The following GTF2IRD2 variants were observed in gnomAD, a reference collection of about 807,000 sequenced individuals.
GTF2IRD2 encodes general transcription factor II-I repeat domain-containing protein 2A.
In GTF2IRD2, 8 loss-of-function variants were observed where a neutral mutation model predicts 49.2. The ratio of observed to expected loss-of-function variants is 0.16; its 90% CI spans 0.10 to 0.29. GTF2IRD2 has a LOEUF of 0.29. Ranked by LOEUF, GTF2IRD2 falls within the 10% of genes least tolerant of loss-of-function variation. The pLI is 1.00. For synonymous variants in GTF2IRD2, 47 were observed against 289.7 expected (o/e 0.16, Z 8.51); for missense variants, 130 against 725.7 (o/e 0.18, Z 9.43).
At chr7:74,841,174 G>C (rs1379723851) in intron 1 of GTF2IRD2, among the ~76,000 whole-genome samples, 1 of 135,166 alleles carries the variant, frequency 7.4e-6, no homozygotes, top group Non-Finnish European at 1.6e-5. Flanking sequence ...ATATGTATTG[G>C]TTTTTTTTTT....
chr7:74,816,297 G>GATTC (rs1798526636), intron 8 of GTF2IRD2, among the ~76,000 whole-genome samples: 1 of 36,420 alleles, frequency 2.7e-5, no homozygotes, highest in Admixed American at 3.3e-4. Flanking sequence ...TCAAGCAACT[G>GATTC]TCCTGCCTCA....
chr7:74,831,429 A>G (rs1472416156), intron 3 of GTF2IRD2, among the ~76,000 whole-genome samples: 5 of 150,468 alleles, frequency 3.3e-5, no homozygotes, highest in Non-Finnish European at 5.9e-5. Flanking sequence ...ATCTACTTAT[A>G]CACACACAGA....
chr7:74,821,873 C>T (rs1324339572), intron 6 of GTF2IRD2: 1 of 77,896 alleles, frequency 1.3e-5, no homozygotes. Context: ...TTTTTAATAG[C>T]TACAAATGTA....
chr7:74,839,951 G>C (rs1191267151), intron 1 of GTF2IRD2, among the ~76,000 whole-genome samples: 1 of 146,688 alleles, frequency 6.8e-6, no homozygotes, highest in Non-Finnish European at 1.5e-5. Context: ...AGTGAGCCAA[G>C]ATTGTGCCAC....
chr7:74,830,178 G>GT (rs1404393449), intron 3 of GTF2IRD2, among the ~76,000 whole-genome samples: 1 of 94,108 alleles, frequency 1.1e-5, no homozygotes, highest in Non-Finnish European at 2.2e-5. Flanking sequence ...ACCAGACTGG[G>GT]TAATATAGCA....
chr7:74,843,095 T>C (rs1480712829), intron 1 of GTF2IRD2, among the ~76,000 whole-genome samples: 1 of 30,914 alleles, frequency 3.2e-5, no homozygotes, highest in Non-Finnish European at 6.0e-5. Context: ...CTGGCTAATT[T>C]TTGTATTTTT....
At chr7:74,845,315 G>A (rs1584409173) in intron 1 of GTF2IRD2, among the ~76,000 whole-genome samples, 1 of 152,360 alleles carries the variant, frequency 6.6e-6, no homozygotes, top group East Asian at 1.9e-4. Context: ...TTTGAGGCAG[G>A]GTCTCACTCC....
rs1407698364 is a variant in GTF2IRD2 at position 74,851,379 on chromosome 7, G to GGCCGC, written c.-23_-19dup. The GGCCGC allele has an allele frequency of 4.2e-5, 2 of 47,356 alleles. No homozygotes were observed. Among genetic ancestry groups the GGCCGC allele is most frequent in the Non-Finnish European group, 7.3e-5 (2 of 27,324 alleles). 2.9% of individuals were successfully genotyped at this position (47,356 alleles called of 1,614,324 possible). On this transcript the variant is annotated 5_prime_UTR_variant, in exon 1 of 16. Transcript: ENST00000451013. ...GCGGGGTACGCACCTGAGGGCGCTG[G>GGCCGC]GCCGCGCCGGGCCGGCCGCGGAGTC... is the stretch of plus-strand genomic sequence containing the variant.
chr7:74,827,094 TA>T (rs1554419814), intron 3 of GTF2IRD2, among the ~76,000 whole-genome samples: 1 of 150,164 alleles, frequency 6.7e-6, no homozygotes, highest in Non-Finnish European at 1.5e-5. Flanking sequence ...GATGGATGCT[TA>T]GCTTGATTTG....
chr7:74,819,076 G>A (rs1299202925), intron 8 of GTF2IRD2: 1 of 187,892 alleles, frequency 5.3e-6, no homozygotes, highest in Non-Finnish European at 1.1e-5. Flanking sequence ...AGGCGCACAC[G>A]AACATGCCCA....
At chr7:74,807,374 T>C (rs1797861746) in intron 11 of GTF2IRD2, among the ~76,000 whole-genome samples, 1 of 78,976 alleles carries the variant, frequency 1.3e-5, no homozygotes, top group Non-Finnish European at 2.6e-5. Context: ...GCCTCCCAGG[T>C]TCAAGTGATT....
At chr7:74,798,998 TTTTTTTCTTTTTC>T (rs1797266650) in intron 15 of GTF2IRD2, 3 of 150,346 alleles carry the variant, frequency 2.0e-5, no homozygotes, top group Non-Finnish European at 4.4e-5. Context: ...CTTTCTTTTC[TTTTTTTCTTTTTC>T]TTTTTTTTTT....
rs1797931550 is a variant in GTF2IRD2, at chr7:74,808,675, T to C, written c.871+433A>G. ...AACACCTCAAAGCATTGGGCCCTAA[T>C]GGGAATGGCTGCTCTATTATATATA... On this transcript the variant is annotated intron_variant, in intron 11 of 15. Coordinates refer to ENST00000451013, the MANE Select transcript of GTF2IRD2 (RefSeq NM_173537.5). Among the ~76,000 whole-genome samples the C allele has an allele frequency of 7.2e-5, 6 of 82,840 alleles. 2 individuals are homozygous for C. Among genetic ancestry groups the C allele is most frequent in the Middle Eastern group, 5.6e-3 (1 of 178 alleles). 54.3% of individuals were successfully genotyped at this position (82,840 alleles called of 152,430 possible). A position where few individuals can be genotyped will look rare whatever the true frequency, so the allele number is the denominator to read the frequency against.
chr7:74,798,993 T>C (rs1364279927), intron 15 of GTF2IRD2: 2 of 151,146 alleles, frequency 1.3e-5, no homozygotes, highest in African/African-American at 4.9e-5. Flanking sequence ...TCTTTCTTTC[T>C]TTTCTTTTTT....
chr7:74,810,725 C>T, intron 10 of GTF2IRD2, among the ~76,000 whole-genome samples, 171 bp downstream of exon 10: 1 of 64,748 alleles, frequency 1.5e-5, no homozygotes, highest in East Asian at 1.9e-3. Flanking sequence ...CGCTTGAACC[C>T]AGGAGGCAGA....
At chr7:74,836,188 A>G in intron 2 of GTF2IRD2, 92 bp downstream of exon 2, 5 of 1,515,522 alleles carry the variant, frequency 3.3e-6, no homozygotes, top group South Asian at 1.1e-5. Flanking sequence ...AGAAAAGAAA[A>G]AAAACAAAAG....
chr7:74,826,089 A>G (rs1395258132), intron 3 of GTF2IRD2, among the ~76,000 whole-genome samples: 8 of 151,394 alleles, frequency 5.3e-5, no homozygotes, highest in African/African-American at 1.7e-4. Context: ...CCCGCCAAGT[A>G]TAGTTTTCTT....
rs1800841901 is a variant in GTF2IRD2 at position 74,841,661 on chromosome 7, C to T, written c.-5-5278G>A. On this transcript the variant is annotated intron_variant, in intron 1 of 15. Coordinates refer to ENST00000451013, the MANE Select transcript of GTF2IRD2 (RefSeq NM_173537.5). The stretch of plus-strand genomic sequence containing the variant: ...CTTCCTATGAATGTTTCACTTCTGA[C>T]CTTTTATGAATCCCCTCAACTTAAA... 2.1e-5 allele frequency among the ~76,000 whole-genome samples: 3 copies of T among 142,792 alleles called. 1 individual carries two copies. The highest frequency in any genetic ancestry group is 4.5e-5 in the Non-Finnish European group (3 of 66,832). 93.7% of individuals were successfully genotyped at this position (142,792 alleles called of 152,430 possible). A position where few individuals can be genotyped will look rare whatever the true frequency, so the allele number is the denominator to read the frequency against.
intron 15 of GTF2IRD2, among the ~76,000 whole-genome samples, chr7:74,800,124 T>C (rs2131635606): frequency 7.7e-6 from 1 of 130,074 alleles, no homozygotes; most frequent in South Asian, 2.6e-4. Flanking sequence ...AATAAAGATA[T>C]TATAAAAGAT....
Sources: allele counts gnomAD v4.1 joint callset (sites outside exome capture counted in the v4.1 genomes callset), GRCh38; gene constraint gnomAD v4.1.1; transcripts MANE v1.5; gene names NCBI Gene and HGNC (gene_info 2026-07-23, HGNC 2026-07-21).